Variants in PPP2R5C observed in about 807,000 individuals in gnomAD.
PPP2R5C encodes the protein protein phosphatase 2 regulatory subunit B'gamma.
A neutral mutation model predicts 68.9 loss-of-function variants in PPP2R5C; 7 were observed. The observed-to-expected ratio is 0.10, with a 90% CI of 0.06 to 0.19. The LOEUF (loss-of-function observed/expected upper bound fraction) is 0.19, where lower values mean the gene tolerates loss of function less well. Ranked by LOEUF, PPP2R5C falls within the 10% of genes least tolerant of loss-of-function variation. PPP2R5C has a pLI of 1.00. For synonymous variants in PPP2R5C, 210 were observed against 222.2 expected (o/e 0.95, Z 0.49); for missense variants, 348 against 641.3 (o/e 0.54, Z 4.94).
chr14:101,883,922 A>G (rs1595465033), intron 5 of PPP2R5C, among the ~76,000 whole-genome samples: 1 of 152,228 alleles, frequency 6.6e-6, no homozygotes, highest in Non-Finnish European at 1.5e-5. Context: ...CTAGAAGGAC[A>G]GGACGCATAG....
At chr14:101,789,418 G>A (rs1012053859) in intron 3 of PPP2R5C, among the ~76,000 whole-genome samples, 15 of 152,344 alleles carry the variant, frequency 9.8e-5, no homozygotes, top group African/African-American at 3.6e-4. Context: ...TTGGCGCCAT[G>A]CCAGTGCATG....
intron 2 of PPP2R5C, among the ~76,000 whole-genome samples, chr14:101,869,681 G>T (rs1230894079): frequency 6.6e-6 from 1 of 151,990 alleles, no homozygotes; most frequent in East Asian, 1.9e-4. Context: ...TGGAGACAGG[G>T]TCTCGCTCTG....
chr14:101,837,247 G>T (rs1426988020), intron 1 of PPP2R5C, among the ~76,000 whole-genome samples: 1 of 152,124 alleles, frequency 6.6e-6, no homozygotes, highest in Non-Finnish European at 1.5e-5. Context: ...GGGTTCAAGC[G>T]ATTCTCCTGC....
intron 6 of PPP2R5C, among the ~76,000 whole-genome samples, chr14:101,890,783 T>C (rs1308908706): frequency 5.5e-5 from 8 of 145,020 alleles, no homozygotes; most frequent in East Asian, 2.0e-4. Flanking sequence ...TTTTTTTTTT[T>C]TTTTTCTTTT....
At chr14:101,907,449 G>C (rs1352674816) in intron 10 of PPP2R5C, among the ~76,000 whole-genome samples, 2 of 152,130 alleles carry the variant, frequency 1.3e-5, no homozygotes, top group Non-Finnish European at 1.5e-5. Flanking sequence ...GGGACGACGT[G>C]AGCCACTGCG....
At position 101,909,586 on chromosome 14, in the gene PPP2R5C, T is replaced by C. The variant is rs766960275; in HGVS notation, c.1152-3T>C. 4.4e-6 allele frequency: 7 copies of C among 1,598,878 alleles called. No homozygotes were observed. Among genetic ancestry groups the C allele is most frequent in the East Asian group, 4.5e-5 (2 of 44,774 alleles). ...CAGGCTCACCGTGCGGTTTTCTTTA[T>C]AGGACAATACATGGCTTGATATACA... is the stretch of plus-strand genomic sequence containing the variant. On this transcript the variant is annotated splice_region_variant and splice_polypyrimidine_tract_variant and intron_variant, in intron 10 of 13. Transcript: ENST00000334743.
In PPP2R5C at chr14:101,906,390, T is replaced by C; in HGVS notation, c.1024-12T>C. 1 of 1,584,130 alleles carries C rather than the reference T, an allele frequency of 6.3e-7. No individual in the cohort carries two copies. The highest frequency in any genetic ancestry group is 8.6e-7 in the Non-Finnish European group (1 of 1,167,152). ...CACAACCTCCAGCAAGCCATCCACT[T>C]GTGTCTTTCAGGTGGCAGAGCGAGC... On this transcript the variant is annotated splice_polypyrimidine_tract_variant and intron_variant, in intron 9 of 13. Coordinates refer to ENST00000334743, the Ensembl canonical transcript of PPP2R5C. This position sits in a 1 kb window ranked among gnomAD's most constrained non-coding sequence, Gnocchi z 4.0.
At chr14:101,827,031 A>C (rs183832821) in intron 1 of PPP2R5C, among the ~76,000 whole-genome samples, 1,421 of 130,230 alleles carry the variant, frequency 0.011, 22 homozygotes, top group African/African-American at 0.04. Context: ...GCTGGAGTGC[A>C]GTGGGGTGAT....
chr14:101,781,989 T>C lies in PPP2R5C; in HGVS notation c.94-4029T>C, dbSNP rs1280906955. Among the ~76,000 whole-genome samples the C allele has an allele frequency of 1.3e-5, 2 of 149,546 alleles. No homozygotes were observed. Among genetic ancestry groups the C allele is most frequent in the Non-Finnish European group, 3.0e-5 (2 of 67,172 alleles). On this transcript the variant is annotated intron_variant, in intron 2 of 14. Transcript: ENST00000328724. The surrounding 1 kb of genome is among the most constrained non-coding windows in gnomAD (Gnocchi z 6.4). ...GGAGCCCCTCGCCCTCTCTCTCTCC[T>C]TCCCTCATTCCCTTCATCCTTCTCT...
At chr14:101,803,024 G>A (rs141306176) in intron 3 of PPP2R5C, among the ~76,000 whole-genome samples, 1 of 150,128 alleles carries the variant, frequency 6.7e-6, no homozygotes, top group Non-Finnish European at 1.5e-5. Context: ...AGACCAGCCC[G>A]GACAACGTGG....
intron 1 of PPP2R5C, chr14:101,819,229 A>T (rs1442163000): frequency 1.5e-6 from 1 of 689,626 alleles, no homozygotes; most frequent in African/African-American, 1.8e-5. Context: ...GTAGCACTTG[A>T]TAATCGCTCT....
intron 2 of PPP2R5C, among the ~76,000 whole-genome samples, chr14:101,860,507 A>G (rs2042681269): frequency 6.6e-6 from 1 of 152,198 alleles, no homozygotes; most frequent in African/African-American, 2.4e-5. Context: ...TTGATACGCA[A>G]GCTTTTGTAT....
intron 2 of PPP2R5C, among the ~76,000 whole-genome samples, chr14:101,857,159 G>T (rs2140575382): frequency 6.6e-6 from 1 of 152,178 alleles, no homozygotes; most frequent in East Asian, 1.9e-4. Flanking sequence ...AGAAGTGTTA[G>T]AATTTGTATT....
chr14:101,819,238 C>G lies in PPP2R5C; in HGVS notation c.94+9202C>G, dbSNP rs1366939595. 1.5e-5 allele frequency: 10 copies of G among 654,810 alleles called. No individual in the cohort carries two copies. The South Asian group carries it at 1.8e-4, about 12-fold the overall frequency. 40.6% of individuals were successfully genotyped at this position (654,810 alleles called of 1,614,324 possible). A position where few individuals can be genotyped will look rare whatever the true frequency, so the allele number is the denominator to read the frequency against. On this transcript the variant is annotated intron_variant, in intron 1 of 13. Coordinates refer to ENST00000334743, the Ensembl canonical transcript of PPP2R5C. The stretch of plus-strand genomic sequence containing the variant: ...AGGGGGGTAGCACTTGATAATCGCT[C>G]TCTTGGAACTCTGAAGCCTTTGCAT...
intron 3 of PPP2R5C, among the ~76,000 whole-genome samples, chr14:101,800,230 G>A (rs964750790): frequency 6.6e-6 from 1 of 152,186 alleles, no homozygotes; most frequent in Non-Finnish European, 1.5e-5. Flanking sequence ...GGGTGGTAGA[G>A]TGAGACCCTG....
intron 1 of PPP2R5C, 107 bp downstream of exon 1, chr14:101,762,027 T>C: frequency 9.4e-7 from 1 of 1,067,072 alleles, no homozygotes; most frequent in Non-Finnish European, 1.2e-6. Context: ...GTTCCCCGCC[T>C]GACGCCGCGG....
At chr14:101,890,140 C>T in intron 5 of PPP2R5C, 97 bp from the exon 8 acceptor site, 1 of 1,133,612 alleles carries the variant, frequency 8.8e-7, no homozygotes, top group South Asian at 1.3e-5. Context: ...AATAGATGCG[C>T]TTCTTGTTGC....
chr14:101,822,078 T>G (rs1011712040), intron 1 of PPP2R5C, among the ~76,000 whole-genome samples: 3 of 17,058 alleles, frequency 1.8e-4, no homozygotes, highest in East Asian at 2.3e-3. Context: ...CACCACCCCC[T>G]GCCCCCCCCC....
intron 8 of PPP2R5C, 131 bp from the exon 11 acceptor site, chr14:101,901,588 G>T (rs2045695616): frequency 1.2e-6 from 1 of 855,764 alleles, no homozygotes. Flanking sequence ...TGTTCCCTCT[G>T]TAAGGAAGAT....
Sources: gnomAD v4.1 joint callset for allele counts (sites outside exome capture counted in the v4.1 genomes callset) on GRCh38, gnomAD v4.1.1 for gene constraint, Gnocchi (gnomAD v3.1) non-coding constraint, MANE v1.5 for transcripts, NCBI Gene and HGNC (gene_info 2026-07-23, HGNC 2026-07-21) for gene names.